NUGGC: variants seen among roughly 807,000 people sequenced by gnomAD.
NUGGC encodes the protein nuclear GTPase SLIP-GC.
A neutral mutation model predicts 92.6 loss-of-function variants in NUGGC; 58 were observed. The ratio of observed to expected loss-of-function variants is 0.63; its 90% CI spans 0.51 to 0.78. The LOEUF is 0.78. Among genes scored for constraint, NUGGC ranks in the 30% least tolerant of loss-of-function variants. The probability of loss-of-function intolerance (pLI) is 0.00; values close to 1 mark genes in which losing one functional copy is unlikely to be tolerated. For missense variants in NUGGC, 925 were observed against 964.6 expected (o/e 0.96, Z 0.54); for synonymous variants, 376 against 366.4 (o/e 1.03, Z -0.30).
chr8:28,026,762 TTCATCATCATCATCATCA>T (rs35745694), intron 18 of NUGGC, among the ~76,000 whole-genome samples, 182 bp downstream of exon 18: 1 of 150,642 alleles, frequency 6.6e-6, no homozygotes, highest in Admixed American at 6.6e-5. Flanking sequence ...GGCTGTTGTT[TTCATCATCATCATCATCA>T]TCATCATCAT....
At position 28,068,172 on chromosome 8, in the gene NUGGC, A is replaced by G. The variant is rs1282731875; in HGVS notation, c.480+44T>C. On this transcript the variant is annotated intron_variant, in intron 5 of 18. Transcript: ENST00000413272. ...GAACGAAAAAGGAAGAAAGGAAGGA[A>G]AAAGGAAGGAAGGGAAGGAAGGAGG... The G allele has an allele frequency of 3.3e-6, 4 of 1,229,406 alleles. No individual in the cohort carries two copies. The Admixed American group carries it at 8.2e-5, about 25-fold the overall frequency. The allele number at this position is 1,229,406 out of a possible 1,614,324, so 76.2% of individuals were successfully genotyped here. A position where few individuals can be genotyped will look rare whatever the true frequency, so the allele number is the denominator to read the frequency against.
chr8:28,057,330 CTTT>C (rs57167648), intron 9 of NUGGC, among the ~76,000 whole-genome samples: 11 of 124,008 alleles, frequency 8.9e-5, no homozygotes, highest in Admixed American at 1.8e-4. Context: ...ATTTTCTTTC[CTTT>C]TTTTTTTTTT....
chr8:28,079,666 A>G (rs1205067501), intron 1 of NUGGC, among the ~76,000 whole-genome samples: 1 of 152,214 alleles, frequency 6.6e-6, no homozygotes, highest in Non-Finnish European at 1.5e-5. Flanking sequence ...TCCTGACTCC[A>G]AGTTCAATGT....
At chr8:28,037,301 ACTGT>A (rs1435876299) in intron 13 of NUGGC, among the ~76,000 whole-genome samples, 1 of 152,136 alleles carries the variant, frequency 6.6e-6, no homozygotes, top group Non-Finnish European at 1.5e-5. Context: ...CAGCAAGCTG[ACTGT>A]CAGCCTATTC....
At position 28,033,530 on chromosome 8, in the gene NUGGC, G is replaced by A. The variant is rs1809475837; in HGVS notation, c.1769+10C>T. On this transcript the variant is annotated intron_variant, in intron 14 of 18. Coordinates refer to ENST00000413272, the MANE Select transcript of NUGGC (RefSeq NM_001010906.2). Reference sequence around the variant, plus strand: ...TTGTTCCCGAAGGTGCAAGATGAGAGATCCTTTACCTAAAAATGCTTCCAA... The same window carrying A: ...TTGTTCCCGAAGGTGCAAGATGAGAAATCCTTTACCTAAAAATGCTTCCAA... 6.2e-7 allele frequency: 1 copy of A among 1,610,756 alleles called. No homozygotes were observed. The highest frequency in any genetic ancestry group is 8.5e-7 in the Non-Finnish European group (1 of 1,178,710).
chr8:28,082,783 G>C (rs1345227349), intron 1 of NUGGC, among the ~76,000 whole-genome samples: 1 of 151,982 alleles, frequency 6.6e-6, no homozygotes, highest in Non-Finnish European at 1.5e-5. Flanking sequence ...GCATGTATCT[G>C]TAGTCCCAGT....
At chr8:28,063,827 C>G (rs79367695) in intron 7 of NUGGC, among the ~76,000 whole-genome samples, 59 of 152,344 alleles carry the variant, frequency 3.9e-4, no homozygotes, top group African/African-American at 1.3e-3. Flanking sequence ...TCACAACTCA[C>G]TGATGCTGGT....
chr8:28,050,075 A>G (rs962539248), intron 10 of NUGGC, among the ~76,000 whole-genome samples: 3 of 151,764 alleles, frequency 2.0e-5, no homozygotes, highest in Admixed American at 6.6e-5. Context: ...CAACAAAGGA[A>G]GACACTATCT....
chr8:28,031,135 C>T, intron 15 of NUGGC, 108 bp downstream of exon 15: 1 of 1,308,846 alleles, frequency 7.6e-7, no homozygotes, highest in South Asian at 1.3e-5. Flanking sequence ...TACTCCCAGA[C>T]CCTGGATACT....
In NUGGC at chr8:28,029,386, C is replaced by T. The variant is rs9314357; in HGVS notation, c.2034G>A (p.Thr678=). 664,970 of 1,610,434 alleles carry T rather than the reference C, an allele frequency of 0.41. 141,577 individuals are homozygous for T. The highest frequency in any genetic ancestry group is 0.47 in the Middle Eastern group (2,867 of 6,054). Residue 678 remains threonine (T), a synonymous_variant, in exon 17 of 19, where the codon ACG becomes ACA. Coordinates refer to ENST00000413272, the MANE Select transcript of NUGGC (RefSeq NM_001010906.2). The part of the protein sequence containing the change: ...KLCYEEAAQI[T]GKKACERMKD... Reference sequence around the variant, plus strand: ...TCATCCGCTCACACGCTTTTTTGCCCGTGATCTGAGCTGCCTCTGGCAAAA... The same window carrying T: ...TCATCCGCTCACACGCTTTTTTGCCTGTGATCTGAGCTGCCTCTGGCAAAA...
chr8:28,037,561 C>T (rs1350343702), intron 13 of NUGGC, among the ~76,000 whole-genome samples: 1 of 152,168 alleles, frequency 6.6e-6, no homozygotes, highest in African/African-American at 2.4e-5. Flanking sequence ...CTGTTGCCTC[C>T]CTAGTCCTTC....
chr8:28,056,193 C>T (rs1243243898), intron 9 of NUGGC, 139 bp from the exon 10 acceptor site: 2 of 555,738 alleles, frequency 3.6e-6, no homozygotes, highest in Non-Finnish European at 6.3e-6. Flanking sequence ...GAATTATACA[C>T]AGTTGCCGGG....
rs370004872 is a variant in NUGGC, at chr8:28,068,351, G to A, written c.345C>T (p.Ser115=). ...LFGSTGAGKS[S]LINAIIQQAM... ...CTTGCTGGATGATGGCATTGATCAG[G>A]GAGCTCTTCCCAGCCCCAGTGCTTC... Residue 115 remains serine, a synonymous_variant, in exon 5 of 19, where the codon TCC becomes TCT. Coordinates refer to ENST00000413272, the MANE Select transcript of NUGGC (RefSeq NM_001010906.2). 1 of 1,575,176 alleles carries A rather than the reference G, an allele frequency of 6.3e-7. No individual in the cohort carries two copies. The highest frequency in any genetic ancestry group is 8.6e-7 in the Non-Finnish European group (1 of 1,159,526).
chr8:28,043,586 T>G (rs1438534371), intron 12 of NUGGC, among the ~76,000 whole-genome samples: 1 of 152,204 alleles, frequency 6.6e-6, no homozygotes, highest in Non-Finnish European at 1.5e-5. Flanking sequence ...GTCAGCCCCC[T>G]TCTCCTCTAT....
At chr8:28,041,537 T>C (rs1563218353) in intron 12 of NUGGC, among the ~76,000 whole-genome samples, 1 of 152,272 alleles carries the variant, frequency 6.6e-6, no homozygotes, top group Non-Finnish European at 1.5e-5. Context: ...AGAAATCCAA[T>C]TGTTATTAAA....
intron 6 of NUGGC, among the ~76,000 whole-genome samples, chr8:28,067,223 A>G (rs1227102732): frequency 2.0e-5 from 3 of 152,208 alleles, no homozygotes; most frequent in Non-Finnish European, 4.4e-5. Context: ...TTAAGCCACT[A>G]TAAGTCTTCT....
At chr8:28,042,227 T>G (rs1809718415) in intron 12 of NUGGC, among the ~76,000 whole-genome samples, 1 of 152,158 alleles carries the variant, frequency 6.6e-6, no homozygotes, top group South Asian at 2.1e-4. Flanking sequence ...AGCATGAAAA[T>G]GGACTAATAC....
intron 12 of NUGGC, among the ~76,000 whole-genome samples, chr8:28,042,766 A>C (rs1011660227): frequency 6.6e-6 from 1 of 152,234 alleles, no homozygotes; most frequent in African/African-American, 2.4e-5. Context: ...TGTGGATTGA[A>C]CGAGTGGCCC....
chr8:28,055,943 A>G, intron 10 of NUGGC, 22 bp downstream of exon 10: 2 of 1,312,062 alleles, frequency 1.5e-6, no homozygotes, highest in African/African-American at 2.9e-5. Flanking sequence ...AGAAAAACAC[A>G]TAGAGAAACC....
Sources: gnomAD v4.1 joint callset for allele counts (sites outside exome capture counted in the v4.1 genomes callset) on GRCh38, gnomAD v4.1.1 for gene constraint, MANE v1.5 for transcripts, NCBI Gene and HGNC (gene_info 2026-07-23, HGNC 2026-07-21) for gene names.